The following LUZP2 variants were observed in gnomAD, a reference collection of about 807,000 sequenced individuals.
LUZP2 encodes the protein leucine zipper protein 2.
A neutral mutation model predicts 51.6 loss-of-function variants in LUZP2; 52 were observed. The ratio of observed to expected loss-of-function variants is 1.01; its 90% CI spans 0.81 to 1.27. LUZP2 has a LOEUF of 1.27. Among genes scored for constraint, LUZP2 ranks in the 50% most tolerant of loss-of-function variants. The pLI, the probability that LUZP2 is intolerant of heterozygous loss-of-function variation, is 0.00. For missense variants in LUZP2, 436 were observed against 395.4 expected, an observed-to-expected ratio of 1.10 and a Z score of -0.87; for synonymous variants, 154 against 137.3, an observed-to-expected ratio of 1.12 and a Z score of -0.85.
At chr11:24,716,364 CAAA>C (rs1488370405) in intron 1 of LUZP2, among the ~76,000 whole-genome samples, 1 of 152,082 alleles carries the variant, frequency 6.6e-6, no homozygotes, top group African/African-American at 2.4e-5. Context: ...AGACAAAAAA[CAAA>C]AACAATGCAA....
intron 4 of LUZP2, among the ~76,000 whole-genome samples, chr11:24,742,549 C>A (rs1018923576): frequency 6.6e-6 from 1 of 150,798 alleles, no homozygotes; most frequent in East Asian, 2.0e-4. Context: ...TGATGGGATT[C>A]TTTTTAACTG....
At chr11:25,048,410 C>T (rs1227563172) in intron 9 of LUZP2, among the ~76,000 whole-genome samples, 1 of 152,106 alleles carries the variant, frequency 6.6e-6, no homozygotes, top group East Asian at 1.9e-4. Context: ...CAAGTCTGTT[C>T]TGCCTCCCTG....
At chr11:24,667,184 CTTTT>C (rs199740839) in intron 1 of LUZP2, among the ~76,000 whole-genome samples, 3 of 132,052 alleles carry the variant, frequency 2.3e-5, no homozygotes, top group Non-Finnish European at 1.6e-5. Context: ...TTCTTTTTTT[CTTTT>C]TTTTTTTTTT....
chr11:25,049,537 A>T (rs1858426005), intron 9 of LUZP2, among the ~76,000 whole-genome samples: 1 of 152,130 alleles, frequency 6.6e-6, no homozygotes, highest in Non-Finnish European at 1.5e-5. Context: ...GGTTTCTGGA[A>T]ATATAAAGCA....
intron 5 of LUZP2, among the ~76,000 whole-genome samples, chr11:24,767,156 C>A (rs1220786310): frequency 3.3e-5 from 5 of 152,068 alleles, no homozygotes; most frequent in Non-Finnish European, 4.4e-5. Context: ...ATTTTCCCTC[C>A]AAAATTTCTA....
chr11:24,722,178 C>T (rs1858297620), intron 1 of LUZP2, among the ~76,000 whole-genome samples: 1 of 152,150 alleles, frequency 6.6e-6, no homozygotes, highest in African/African-American at 2.4e-5. Flanking sequence ...GCTTACATTT[C>T]TTAAACTAAG....
At chr11:24,543,667 A>G (rs886922705) in intron 1 of LUZP2, among the ~76,000 whole-genome samples, 54 of 152,000 alleles carry the variant, frequency 3.6e-4, no homozygotes, top group African/African-American at 1.3e-3. Flanking sequence ...CTAAAAATAC[A>G]GAAATTAGCC....
At chr11:25,016,307 A>G (rs975632959) in intron 9 of LUZP2, among the ~76,000 whole-genome samples, 2 of 151,594 alleles carry the variant, frequency 1.3e-5, no homozygotes, top group Admixed American at 6.6e-5. Flanking sequence ...CCTTCTTCCA[A>G]CCTTCCCCCT....
At chr11:24,635,674 C>T (rs12277209) in intron 1 of LUZP2, among the ~76,000 whole-genome samples, 34,540 of 152,000 alleles carry the variant, frequency 0.23, 4,364 homozygotes, top group African/African-American at 0.34. Context: ...CAAAGTTATA[C>T]ATTTTAAAAC....
At chr11:24,807,024 C>CAAAAAAAAAAAAAAAAAAA (rs34565471) in intron 5 of LUZP2, among the ~76,000 whole-genome samples, 1 of 110,292 alleles carries the variant, frequency 9.1e-6, no homozygotes. Context: ...GAAAATCCAC[C>CAAAAAAAAAAAAAAAAAAA]AAAAAAAAAA....
intron 10 of LUZP2, among the ~76,000 whole-genome samples, chr11:25,062,148 G>C (rs953195651): frequency 6.6e-6 from 1 of 150,888 alleles, no homozygotes; most frequent in African/African-American, 2.4e-5. Flanking sequence ...AGAAAGGAAG[G>C]GAAAAAGGGA....
chr11:24,655,380 AG>A (rs1275444719), intron 1 of LUZP2, among the ~76,000 whole-genome samples: 1 of 152,130 alleles, frequency 6.6e-6, no homozygotes, highest in African/African-American at 2.4e-5. Flanking sequence ...TTTTAAAAAT[AG>A]AGGTCTTTTT....
intron 9 of LUZP2, among the ~76,000 whole-genome samples, chr11:25,019,712 A>G (rs1309502038): frequency 6.6e-6 from 1 of 152,148 alleles, no homozygotes; most frequent in Non-Finnish European, 1.5e-5. Context: ...ATGAATGATT[A>G]TCTAATATGT....
At chr11:24,767,857 C>T (rs1269782825) in intron 5 of LUZP2, among the ~76,000 whole-genome samples, 1 of 152,200 alleles carries the variant, frequency 6.6e-6, no homozygotes, top group East Asian at 1.9e-4. Context: ...AACCTCCCTT[C>T]TCTAACTTCC....
At chr11:24,742,172 G>A (rs1395075573) in intron 4 of LUZP2, among the ~76,000 whole-genome samples, 1 of 149,840 alleles carries the variant, frequency 6.7e-6, no homozygotes, top group East Asian at 1.9e-4. Context: ...AAGTGTACAA[G>A]TATCTTTTTC....
At chr11:24,909,211 CAGA>C (rs1474893823) in intron 6 of LUZP2, among the ~76,000 whole-genome samples, 2 of 151,636 alleles carry the variant, frequency 1.3e-5, no homozygotes, top group East Asian at 1.9e-4. Context: ...CCATCAAATG[CAGA>C]AGGTTTTATT....
chr11:24,522,259 A>C (rs1460786501), intron 1 of LUZP2, among the ~76,000 whole-genome samples: 1 of 152,154 alleles, frequency 6.6e-6, no homozygotes, highest in African/African-American at 2.4e-5. Flanking sequence ...GGCATTTGGC[A>C]TAAATAGTCA....
chr11:24,502,492 C>A (rs1228607047), intron 1 of LUZP2, among the ~76,000 whole-genome samples: 1 of 152,058 alleles, frequency 6.6e-6, no homozygotes, highest in Non-Finnish European at 1.5e-5. Context: ...TTAAGCAATT[C>A]TCTGCCTCAG....
chr11:24,552,495 A>G (rs1417554474), intron 1 of LUZP2, among the ~76,000 whole-genome samples: 1 of 152,018 alleles, frequency 6.6e-6, no homozygotes, highest in Non-Finnish European at 1.5e-5. Context: ...TATTATCTAG[A>G]CTTTCAGTAC....
Sources: allele counts gnomAD v4.1 joint callset (sites outside exome capture counted in the v4.1 genomes callset), GRCh38; gene constraint gnomAD v4.1.1; transcripts MANE v1.5; gene names NCBI Gene and HGNC (gene_info 2026-07-23, HGNC 2026-07-21).